Variants in C6orf163 observed in about 807,000 individuals in gnomAD.
The protein encoded by C6orf163 is chromosome 6 open reading frame 163.
C6orf163 carries 22 observed loss-of-function variants against 28.4 expected under a neutral mutation model. That is an observed-to-expected ratio of 0.78 (90% CI 0.55 to 1.11). C6orf163 has a LOEUF of 1.11. Ranked by LOEUF, C6orf163 falls within the 50% of genes least tolerant of loss-of-function variation. The pLI, the probability that C6orf163 is intolerant of heterozygous loss-of-function variation, is 0.00. For synonymous variants in C6orf163, 110 were observed against 123.6 expected (o/e 0.89, Z 0.73); for missense variants, 342 against 389.1 (o/e 0.88, Z 1.02).
At chr6:87,349,081 T>C (rs1176182814) in intron 2 of C6orf163, among the ~76,000 whole-genome samples, 175 bp downstream of exon 2, 1 of 152,144 alleles carries the variant, frequency 6.6e-6, no homozygotes, top group Non-Finnish European at 1.5e-5. Context: ...TGTAAAAAAG[T>C]AATAATAGTA....
rs868073909 is a variant in C6orf163 at position 87,348,690 on chromosome 6, A to C, written c.149-122A>C. 23 of 1,439,746 alleles carry C rather than the reference A, an allele frequency of 1.6e-5. No individual in the cohort carries two copies. In the Middle Eastern group the frequency reaches 9.0e-4, roughly 57 times the overall value. The allele number at this position is 1,439,746 out of a possible 1,614,324, so 89.2% of individuals were successfully genotyped here. On this transcript the variant is annotated intron_variant, in intron 1 of 4. Coordinates refer to ENST00000388923, the MANE Select transcript of C6orf163 (RefSeq NM_001010868.3). The stretch of plus-strand genomic sequence containing the variant: ...CAATGGGTATCTTTGAAATATATAT[A>C]CTGGCATCTCCTAAAAGGACGTGTC...
intron 3 of C6orf163, among the ~76,000 whole-genome samples, chr6:87,353,696 A>C (rs1033831481): frequency 9.2e-5 from 14 of 152,124 alleles, no homozygotes; most frequent in African/African-American, 3.4e-4. Flanking sequence ...ACCCAGAAGT[A>C]AGTTAAAATA....
intron 1 of C6orf163, chr6:87,348,577 G>T: frequency 7.8e-7 from 1 of 1,282,328 alleles, no homozygotes; most frequent in Non-Finnish European, 9.9e-7. Context: ...CTGCTGTGTG[G>T]ACTGGGTGTG....
In C6orf163 at chr6:87,356,263, G is replaced by A. The variant is rs188144101; in HGVS notation, c.352-38G>A. The A allele has an allele frequency of 2.6e-5, 40 of 1,516,700 alleles. No individual in the cohort carries two copies. The East Asian group carries it at 5.4e-4, about 20-fold the overall frequency. The allele number at this position is 1,516,700 out of a possible 1,614,324, so 94.0% of individuals were successfully genotyped here. A position where few individuals can be genotyped will look rare whatever the true frequency, so the allele number is the denominator to read the frequency against. ...CCTAATGTGCAGTTTTAAACATTAA[G>A]TCTGTAATAGCTAAACCTAGTTTTG... On this transcript the variant is annotated intron_variant, in intron 3 of 4. Transcript: ENST00000388923.
At chr6:87,363,518 C>A (rs923420870) in intron 4 of C6orf163, among the ~76,000 whole-genome samples, 14 of 151,960 alleles carry the variant, frequency 9.2e-5, no homozygotes, top group African/African-American at 3.4e-4. Flanking sequence ...CACAACAGTC[C>A]CCAGAGTGTG....
In C6orf163 at chr6:87,356,456, G is replaced by T; in HGVS notation, c.507G>T (p.Arg169Ser). 1 of 1,551,690 alleles carries T rather than the reference G, an allele frequency of 6.4e-7. No individual in the cohort carries two copies. Among genetic ancestry groups the T allele is most frequent in the South Asian group, 1.2e-5 (1 of 84,048 alleles). Residue 169 changes from arginine to serine, a missense_variant, in exon 4 of 5, where the codon AGG (arginine) becomes AGT (serine). Physicochemically the swap from Arg to Ser is moderately radical, Grantham distance 110. Transcript: ENST00000388923. ...REKVEAVEKARAEERHIAQEA... is the reference protein window; with the variant it reads ...REKVEAVEKASAEERHIAQEA... ...AGGTCGAAGCTGTGGAGAAAGCCAG[G>T]GCTGAAGAAAGACACATCGCCCAGG...
chr6:87,346,521 T>C (rs2127929328), intron 1 of C6orf163, among the ~76,000 whole-genome samples: 2 of 152,340 alleles, frequency 1.3e-5, no homozygotes, highest in East Asian at 3.9e-4. Context: ...TGTTAGAAAT[T>C]AATCTTTTCT....
chr6:87,356,194 G>A (rs1777498860), intron 3 of C6orf163, 107 bp from the exon 4 acceptor site: 3 of 900,808 alleles, frequency 3.3e-6, no homozygotes, highest in Non-Finnish European at 5.2e-6. Flanking sequence ...GTGTTAACAG[G>A]TACACTTGCT....
intron 1 of C6orf163, among the ~76,000 whole-genome samples, chr6:87,347,006 G>T (rs533581719): frequency 2.0e-5 from 3 of 151,928 alleles, no homozygotes; most frequent in Admixed American, 6.6e-5. Context: ...TTTTCCCCCG[G>T]CATAGAGTTT....
chr6:87,344,959 A>T lies in C6orf163; in HGVS notation c.-141A>T. ...CACAGCCTAATCACTTGAACCATTT[A>T]ATCCTTACCAGCCTCTAGCATTATC... On this transcript the variant is annotated 5_prime_UTR_variant, in exon 1 of 5. Transcript: ENST00000388923. 1.5e-6 allele frequency: 1 copy of T among 650,022 alleles called. No homozygotes were observed. The highest frequency in any genetic ancestry group is 2.6e-6 in the Non-Finnish European group (1 of 389,126). The allele number at this position is 650,022 out of a possible 1,614,324, so 40.3% of individuals were successfully genotyped here. A position where few individuals can be genotyped will look rare whatever the true frequency, so the allele number is the denominator to read the frequency against.
chr6:87,354,696 T>A (rs1777471793), intron 3 of C6orf163, among the ~76,000 whole-genome samples: 1 of 152,210 alleles, frequency 6.6e-6, no homozygotes, highest in Non-Finnish European at 1.5e-5. Context: ...TAAAGTTGAT[T>A]TCTAGTGTCT....
At chr6:87,352,814 C>T (rs866163847) in intron 3 of C6orf163, among the ~76,000 whole-genome samples, 1 of 152,110 alleles carries the variant, frequency 6.6e-6, no homozygotes, top group African/African-American at 2.4e-5. Flanking sequence ...GCAAATTAGG[C>T]ACTTGAGAGG....
At chr6:87,347,386 G>A (rs928990594) in intron 1 of C6orf163, 1 of 984,742 alleles carries the variant, frequency 1.0e-6, no homozygotes, top group African/African-American at 1.7e-5. Flanking sequence ...AAAACCAATG[G>A]GATTTAAACA....
intron 3 of C6orf163, 56 bp from the exon 4 acceptor site, chr6:87,356,245 T>C: frequency 7.2e-7 from 1 of 1,383,012 alleles, no homozygotes; most frequent in South Asian, 1.3e-5. Context: ...CCTCCTAATG[T>C]GCAGTTTTAA....
chr6:87,364,494 A>C (rs773706144), intron 4 of C6orf163, among the ~76,000 whole-genome samples: 1 of 152,174 alleles, frequency 6.6e-6, no homozygotes, highest in African/African-American at 2.4e-5. Flanking sequence ...AAAAAGCTTG[A>C]GGTGACTGTC....
At chr6:87,348,488 G>A in intron 1 of C6orf163, 1 of 1,067,554 alleles carries the variant, frequency 9.4e-7, no homozygotes, top group Non-Finnish European at 1.1e-6. Context: ...AAGACCTCTT[G>A]AATATTCACT....
chr6:87,351,125 T>C (rs1043905157), intron 3 of C6orf163, among the ~76,000 whole-genome samples: 3 of 152,202 alleles, frequency 2.0e-5, no homozygotes, highest in African/African-American at 7.2e-5. Context: ...TCTAGGTAAC[T>C]TACAAACTTT....
chr6:87,348,715 C>T, intron 1 of C6orf163, 97 bp from the exon 2 acceptor site: 1 of 1,477,842 alleles, frequency 6.8e-7, no homozygotes. Flanking sequence ...AAGGACGTGT[C>T]TCCTAAATAG....
intron 4 of C6orf163, among the ~76,000 whole-genome samples, chr6:87,363,130 C>G (rs77153290): frequency 5.3e-5 from 8 of 152,134 alleles, no homozygotes; most frequent in Admixed American, 5.2e-4. Flanking sequence ...TTAATGTATG[C>G]ATAGAATGCT....
Sources: allele counts gnomAD v4.1 joint callset (sites outside exome capture counted in the v4.1 genomes callset), GRCh38; gene constraint gnomAD v4.1.1; transcripts MANE v1.5; gene names NCBI Gene and HGNC (gene_info 2026-07-23, HGNC 2026-07-21).